The following GRID1 variants were observed in gnomAD, a reference collection of about 807,000 sequenced individuals.
GRID1 encodes glutamate ionotropic receptor delta type subunit 1.
GRID1 carries 28 observed loss-of-function variants against 98.0 expected under a neutral mutation model. The ratio of observed to expected loss-of-function variants is 0.29; its 90% CI spans 0.21 to 0.39. GRID1 has a LOEUF of 0.39. Ranked by LOEUF, GRID1 falls within the 10% of genes least tolerant of loss-of-function variation. The probability of loss-of-function intolerance (pLI) is 1.00; values close to 1 mark genes in which losing one functional copy is unlikely to be tolerated. For synonymous variants in GRID1, 553 were observed against 538.5 expected (o/e 1.03, Z -0.37); for missense variants, 1,111 against 1,340.5 (o/e 0.83, Z 2.67).
chr10:86,031,953 G>T (rs915391241), intron 4 of GRID1, among the ~76,000 whole-genome samples: 3 of 152,000 alleles, frequency 2.0e-5, no homozygotes, highest in Non-Finnish European at 2.9e-5. Context: ...CCACCTTCAG[G>T]CCTCTCAAAT....
rs1423600711 is a variant in GRID1 at position 85,646,953 on chromosome 10, G to A, written c.2193+249C>T. ...CCTCCTATGAGCCCATGAGGAGGGT[G>A]GGCCAAAAGTCAGGCTTAATCTGCC... On this transcript the variant is annotated intron_variant, in intron 13 of 15. Transcript: ENST00000327946. 5.6e-6 allele frequency: 3 copies of A among 534,072 alleles called. No individual in the cohort carries two copies. In the African/African-American group the frequency reaches 5.7e-5, roughly 10 times the overall value. The allele number at this position is 534,072 out of a possible 1,614,324, so 33.1% of individuals were successfully genotyped here.
intron 8 of GRID1, among the ~76,000 whole-genome samples, chr10:85,806,440 T>C (rs769148196): frequency 6.6e-6 from 1 of 152,138 alleles, no homozygotes; most frequent in African/African-American, 2.4e-5. Context: ...TAGACATTTA[T>C]CATAACCCTA....
chr10:85,872,092 A>T (rs1843283757), intron 5 of GRID1, among the ~76,000 whole-genome samples: 1 of 152,122 alleles, frequency 6.6e-6, no homozygotes, highest in African/African-American at 2.4e-5. Flanking sequence ...CTGAGCCTGG[A>T]TGTGCATGCT....
chr10:85,661,659 G>A (rs1414132933), intron 12 of GRID1, among the ~76,000 whole-genome samples: 1 of 152,166 alleles, frequency 6.6e-6, no homozygotes, highest in African/African-American at 2.4e-5. Context: ...ACCCAGTGGG[G>A]CAAAGCAAAA....
At chr10:85,619,788 A>G (rs1842836645) in intron 14 of GRID1, 79 bp downstream of exon 14, 7 of 1,110,656 alleles carry the variant, frequency 6.3e-6, no homozygotes, top group South Asian at 1.4e-5. Flanking sequence ...ATTGGCTCTT[A>G]TCTTCTAAGA....
At chr10:85,792,404 G>A (rs926911441) in intron 8 of GRID1, among the ~76,000 whole-genome samples, 10 of 152,190 alleles carry the variant, frequency 6.6e-5, no homozygotes, top group Non-Finnish European at 1.3e-4. Flanking sequence ...CCCTGGCGAG[G>A]TGCCTTTCAA....
chr10:85,646,330 A>T (rs1276803560), intron 13 of GRID1: 1 of 152,280 alleles, frequency 6.6e-6, no homozygotes, highest in Non-Finnish European at 1.5e-5. Flanking sequence ...TAGCCATTGC[A>T]TGTGGGGTTC....
intron 3 of GRID1, among the ~76,000 whole-genome samples, chr10:86,189,023 T>A (rs1845764553): frequency 2.6e-5 from 4 of 152,120 alleles, no homozygotes; most frequent in Non-Finnish European, 5.9e-5. Context: ...GCAGGCAGAT[T>A]TGTGAAACAC....
chr10:85,651,610 T>C (rs1290029100), intron 12 of GRID1, among the ~76,000 whole-genome samples: 1 of 152,210 alleles, frequency 6.6e-6, no homozygotes, highest in African/African-American at 2.4e-5. Flanking sequence ...AAAACTCCTC[T>C]GGCAGGCAAT....
chr10:85,716,974 T>C (rs1438860960), intron 12 of GRID1, among the ~76,000 whole-genome samples: 2 of 151,990 alleles, frequency 1.3e-5, no homozygotes, highest in African/African-American at 4.8e-5. Flanking sequence ...GTGGGGGAAT[T>C]ATGAGCTTTT....
intron 2 of GRID1, among the ~76,000 whole-genome samples, chr10:86,331,605 A>G (rs918659502): frequency 6.6e-6 from 1 of 152,146 alleles, no homozygotes; most frequent in Non-Finnish European, 1.5e-5. Context: ...AGTCTCCCCA[A>G]AACACTGACT....
At chr10:86,144,045 C>T (rs1461856017) in intron 3 of GRID1, among the ~76,000 whole-genome samples, 2 of 152,320 alleles carry the variant, frequency 1.3e-5, no homozygotes, top group East Asian at 3.9e-4. Flanking sequence ...TCACTGAGCA[C>T]TCTGTGTCTG....
At chr10:86,221,488 C>A (rs762055331) in intron 2 of GRID1, among the ~76,000 whole-genome samples, 7 of 152,188 alleles carry the variant, frequency 4.6e-5, no homozygotes, top group Admixed American at 3.9e-4. Context: ...GGAGAGGAAG[C>A]CTTTGTGGGC....
At chr10:85,651,994 A>G (rs1374623684) in intron 12 of GRID1, among the ~76,000 whole-genome samples, 1 of 152,188 alleles carries the variant, frequency 6.6e-6, no homozygotes, top group East Asian at 1.9e-4. Flanking sequence ...CCTGACCTGG[A>G]TTACCGATTT....
intron 4 of GRID1, among the ~76,000 whole-genome samples, chr10:85,944,369 C>T (rs1842029841): frequency 3.3e-5 from 5 of 152,054 alleles, no homozygotes; most frequent in Admixed American, 3.3e-4. Flanking sequence ...ATTTTTAACC[C>T]CTCGAATTGA....
intron 4 of GRID1, among the ~76,000 whole-genome samples, chr10:86,013,243 A>G (rs1842941736): frequency 6.6e-6 from 1 of 152,222 alleles, no homozygotes; most frequent in South Asian, 2.1e-4. Context: ...AAAAGGGCAA[A>G]ATGTAAACTA....
chr10:85,973,373 A>AT lies in GRID1; in HGVS notation c.727-57135dup, dbSNP rs201981223. 2.4e-3 allele frequency among the ~76,000 whole-genome samples: 360 copies of AT among 152,104 alleles called. 2 individuals are homozygous for AT. The East Asian group carries it at 0.027, about 11-fold the overall frequency. ...AGCCTACTTTTTGCTATTTGTAGTT[A>AT]TTTTTTTCCAAATAACTAATACATT... On this transcript the variant is annotated intron_variant, in intron 4 of 15. Transcript: ENST00000327946.
chr10:86,297,568 C>A (rs1847612344), intron 2 of GRID1, among the ~76,000 whole-genome samples: 1 of 152,034 alleles, frequency 6.6e-6, no homozygotes, highest in Admixed American at 6.6e-5. Context: ...GATAATTTCT[C>A]AAGTTTCATA....
Position 85,634,291 on chromosome 10 carries a change from T to TCTCTCTCTCTCA in GRID1, c.2193+12910_2193+12911insTGAGAGAGAGAG, listed in dbSNP as rs1162030685. Reference sequence around the variant, plus strand: ...CTCTCTCTCTCTCTCTCTCTCTCTCTCACACACACACACACACACACACAG... The same window carrying TCTCTCTCTCTCA: ...CTCTCTCTCTCTCTCTCTCTCTCTCTCTCTCTCTCTCACACACACACACACACACACACACAG... On this transcript the variant is annotated intron_variant, in intron 13 of 15. Coordinates refer to ENST00000327946, the MANE Select transcript of GRID1 (RefSeq NM_017551.3). Among the ~76,000 whole-genome samples, 95 of 102,974 alleles carry TCTCTCTCTCTCA rather than the reference T, an allele frequency of 9.2e-4. 1 individual carries two copies. Among genetic ancestry groups the TCTCTCTCTCTCA allele is most frequent in the South Asian group, 6.3e-3 (21 of 3,324 alleles). The allele number at this position is 102,974 out of a possible 152,430, so 67.6% of individuals were successfully genotyped here.
Sources: allele counts gnomAD v4.1 joint callset (sites outside exome capture counted in the v4.1 genomes callset), GRCh38; gene constraint gnomAD v4.1.1; transcripts MANE v1.5; gene names NCBI Gene and HGNC (gene_info 2026-07-23, HGNC 2026-07-21).